The following INTS4 variants were observed in gnomAD, a reference collection of about 807,000 sequenced individuals.
INTS4 encodes MSTP093.
INTS4 carries 70 observed loss-of-function variants against 119.5 expected under a neutral mutation model. The observed-to-expected ratio is 0.59, with a 90% CI of 0.48 to 0.71. The LOEUF (loss-of-function observed/expected upper bound fraction) is 0.71, where lower values mean the gene tolerates loss of function less well. INTS4 is among the 30% of genes least tolerant of loss of function. The pLI, the probability that INTS4 is intolerant of heterozygous loss-of-function variation, is 0.00. For missense variants in INTS4, 867 were observed against 1,173.2 expected (o/e 0.74, Z 3.81); for synonymous variants, 316 against 419.6 (o/e 0.75, Z 3.02).
At chr11:77,987,585 G>C in intron 2 of INTS4, 1 of 443,194 alleles carries the variant, frequency 2.3e-6, no homozygotes, top group Non-Finnish European at 4.5e-6. Context: ...CCTGATTTTG[G>C]TCAGATGTGG....
At chr11:77,875,992 G>A (rs905579842), downstream of INTS4, among the ~76,000 whole-genome samples, 17 of 152,318 alleles carry the variant, frequency 1.1e-4, no homozygotes, top group African/African-American at 4.1e-4. Flanking sequence ...CCTGGGATGA[G>A]CAGTGATCCA....
At chr11:77,918,259 T>G (rs1190583815) in intron 15 of INTS4, 3 of 614,478 alleles carry the variant, frequency 4.9e-6, no homozygotes, top group Admixed American at 2.4e-5. Context: ...TGGTGAAACC[T>G]CGACTCTACA....
chr11:77,884,885 GT>G, intron 21 of INTS4: 1 of 278,624 alleles, frequency 3.6e-6, no homozygotes, highest in Non-Finnish European at 7.6e-6. Context: ...CTCCTGAGGA[GT>G]GGGGATTACA....
At chr11:77,954,006 G>T (rs1247678542) in intron 8 of INTS4, among the ~76,000 whole-genome samples, 2 of 151,868 alleles carry the variant, frequency 1.3e-5, no homozygotes, top group African/African-American at 2.4e-5. Context: ...TAGAGACGGG[G>T]TTTCACCATG....
At chr11:77,947,007 T>A in intron 8 of INTS4, among the ~76,000 whole-genome samples, 6 of 141,270 alleles carry the variant, frequency 4.2e-5, no homozygotes, top group African/African-American at 5.2e-5. Context: ...ATGAAAAAAA[T>A]AAAAATAGTA....
chr11:77,987,608 G>A (rs1251819304), intron 2 of INTS4: 2 of 449,176 alleles, frequency 4.5e-6, no homozygotes, highest in Middle Eastern at 3.3e-4. Flanking sequence ...GCTCACGTCT[G>A]TAATCCCAAT....
chr11:77,952,599 A>C (rs191279771), intron 8 of INTS4, among the ~76,000 whole-genome samples: 4 of 152,292 alleles, frequency 2.6e-5, no homozygotes, highest in African/African-American at 9.6e-5. Flanking sequence ...TATCAGCAAG[A>C]TAAGAATGAT....
chr11:77,932,582 T>C (rs1427910533), intron 10 of INTS4, among the ~76,000 whole-genome samples: 1 of 152,178 alleles, frequency 6.6e-6, no homozygotes, highest in East Asian at 1.9e-4. Context: ...AGAAATACCA[T>C]TTGACCCAGC....
intron 18 of INTS4, among the ~76,000 whole-genome samples, chr11:77,895,042 T>G (rs1222660125): frequency 6.6e-6 from 1 of 152,238 alleles, no homozygotes; most frequent in Non-Finnish European, 1.5e-5. Flanking sequence ...TGTTACTATT[T>G]TGGCGACAGA....
chr11:77,956,012 GCAT>G lies in INTS4; in HGVS notation c.845_847del (p.Asp282del), dbSNP rs1954312276. On this transcript the variant is annotated inframe_deletion, in exon 8 of 23. Coordinates refer to ENST00000534064, the MANE Select transcript of INTS4 (RefSeq NM_033547.4). The stretch of plus-strand genomic sequence containing the variant: ...GACCATGTGACAAATTTTGCCAAAC[GCAT>G]CATCAACTAAGCGTATTTCTTCATT... 6.2e-7 allele frequency: 1 copy of G among 1,610,708 alleles called. No homozygotes were observed. The highest frequency in any genetic ancestry group is 2.2e-5 in the East Asian group (1 of 44,868).
chr11:77,889,650 T>G (rs1952176843), intron 21 of INTS4, among the ~76,000 whole-genome samples: 1 of 152,210 alleles, frequency 6.6e-6, no homozygotes, highest in African/African-American at 2.4e-5. Context: ...CAGTGTCATC[T>G]CTGAGGCATG....
At chr11:77,939,597 C>T (rs1953880575) in intron 9 of INTS4, among the ~76,000 whole-genome samples, 1 of 152,140 alleles carries the variant, frequency 6.6e-6, no homozygotes, top group African/African-American at 2.4e-5. Flanking sequence ...GTATCCAGTC[C>T]ACTTGACAGT....
intron 3 of INTS4, among the ~76,000 whole-genome samples, chr11:77,980,481 G>C (rs924198107): frequency 6.6e-6 from 1 of 152,078 alleles, no homozygotes; most frequent in African/African-American, 2.4e-5. Flanking sequence ...CTAGGCCCAA[G>C]AAGTCCTCAC....
chr11:77,971,680 A>G (rs997463710), intron 4 of INTS4, among the ~76,000 whole-genome samples: 3 of 152,120 alleles, frequency 2.0e-5, no homozygotes, highest in Admixed American at 2.0e-4. Flanking sequence ...TTACCTCATT[A>G]TATGTATGAT....
At chr11:77,886,403 T>C (rs1035383141) in intron 21 of INTS4, among the ~76,000 whole-genome samples, 1 of 152,166 alleles carries the variant, frequency 6.6e-6, no homozygotes, top group Non-Finnish European at 1.5e-5. Flanking sequence ...TACAGTAACC[T>C]AGATTAGGCT....
At chr11:77,896,652 CAA>C (rs58549095) in intron 18 of INTS4, among the ~76,000 whole-genome samples, 19,570 of 70,316 alleles carry the variant, frequency 0.28, 1,229 homozygotes, top group African/African-American at 0.37. Context: ...AACTCCGTCT[CAA>C]AAAAAAAAAA....
At chr11:77,877,011 C>G (rs1443526178), downstream of INTS4, 4 of 703,082 alleles carry the variant, frequency 5.7e-6, no homozygotes, top group Admixed American at 2.0e-5. Context: ...TTCCACCTGG[C>G]TACAGCTTCA....
In INTS4 at chr11:77,911,227, C is replaced by T. The variant is rs756376542; in HGVS notation, c.1923-3417G>A. On this transcript the variant is annotated intron_variant, in intron 15 of 22. Coordinates refer to ENST00000534064, the MANE Select transcript of INTS4 (RefSeq NM_033547.4). ...TGTATGATATATATCACTTCTTATT[C>T]GTTTGGGTTGCTTGAACTGGTCCTG... 1.1e-5 allele frequency: 11 copies of T among 1,027,652 alleles called. No homozygotes were observed. In the African/African-American group the frequency reaches 1.2e-4, roughly 11 times the overall value. The allele number at this position is 1,027,652 out of a possible 1,614,324, so 63.7% of individuals were successfully genotyped here. A position where few individuals can be genotyped will look rare whatever the true frequency, so the allele number is the denominator to read the frequency against.
chr11:77,970,803 T>C (rs998314700), intron 4 of INTS4, among the ~76,000 whole-genome samples: 11 of 151,872 alleles, frequency 7.2e-5, no homozygotes, highest in African/African-American at 2.7e-4. Flanking sequence ...TAGCATCTCA[T>C]TGTGGGTTTT....
Sources: allele counts gnomAD v4.1 joint callset (sites outside exome capture counted in the v4.1 genomes callset), GRCh38; gene constraint gnomAD v4.1.1; transcripts MANE v1.5; gene names NCBI Gene and HGNC (gene_info 2026-07-23, HGNC 2026-07-21).